PROSER1: variants seen among roughly 807,000 people sequenced by gnomAD.
The protein encoded by PROSER1 is proline and serine rich 1.
PROSER1 carries 36 observed loss-of-function variants against 71.8 expected under a neutral mutation model. The ratio of observed to expected loss-of-function variants is 0.50; its 90% confidence interval spans 0.38 to 0.66. The LOEUF is 0.66. PROSER1 is among the 30% of genes least tolerant of loss of function. The pLI is 0.00. For missense variants in PROSER1, 1,107 were observed against 1,135.0 expected, an observed-to-expected ratio of 0.98 and a Z score of 0.35; for synonymous variants, 490 against 452.4, an observed-to-expected ratio of 1.08 and a Z score of -1.06.
At chr13:39,029,253 A>C in intron 4 of PROSER1, 28 bp downstream of exon 4, 1 of 983,422 alleles carries the variant, frequency 1.0e-6, no homozygotes, top group Non-Finnish European at 1.4e-6. Flanking sequence ...CAAGTAAAAA[A>C]AAAAAAAAAA....
intron 11 of PROSER1, chr13:39,012,462 C>T: frequency 1.6e-6 from 1 of 641,282 alleles, no homozygotes; most frequent in Non-Finnish European, 2.7e-6. Context: ...ATCCTTTCTG[C>T]TGTCTTATAA....
chr13:39,032,991 G>C (rs972279008), intron 2 of PROSER1, among the ~76,000 whole-genome samples: 3 of 151,846 alleles, frequency 2.0e-5, no homozygotes, highest in Admixed American at 1.3e-4. Context: ...CGCGATCTTG[G>C]CTCACTGCAA....
intron 4 of PROSER1, 34 bp downstream of exon 4, chr13:39,029,247 T>TAAAAAAAA (rs34146778): frequency 4.4e-5 from 33 of 743,892 alleles, no homozygotes; most frequent in African/African-American, 2.6e-4. Context: ...TTTTCCCAAG[T>TAAAAAAAA]AAAAAAAAAA....
At chr13:39,016,445 T>C (rs1870011628) in intron 10 of PROSER1, among the ~76,000 whole-genome samples, 1 of 152,234 alleles carries the variant, frequency 6.6e-6, no homozygotes, top group African/African-American at 2.4e-5. Flanking sequence ...CTTTAACTGC[T>C]ATACTAGTTT....
Position 39,014,175 on chromosome 13 carries a change from A to G in PROSER1, c.1077T>C (p.Pro359=), listed in dbSNP as rs374330036. ...GTGACACTAGGCCAGAAAAAATGGA[A>G]GGAACAGGAGTGGTGGTTGTACTGT... ...SIHSTTTTPV[P]SIFSGLVSLP... Residue 359 remains proline (P), a synonymous_variant, in exon 11 of 13, where the codon CCT becomes CCC. Transcript: ENST00000352251. The G allele has an allele frequency of 1.1e-5, 18 of 1,614,054 alleles. No individual in the cohort carries two copies. Among genetic ancestry groups the G allele is most frequent in the Non-Finnish European group, 1.4e-5 (17 of 1,180,058 alleles).
At position 39,034,211 on chromosome 13, in the gene PROSER1, C is replaced by A. The variant is rs762961532; in HGVS notation, c.46-15G>T. The A allele has an allele frequency of 1.6e-4, 191 of 1,186,870 alleles. No homozygotes were observed. The highest frequency in any genetic ancestry group is 2.5e-4 in the South Asian group (16 of 65,184). 73.5% of individuals were successfully genotyped at this position (1,186,870 alleles called of 1,614,324 possible). A position where few individuals can be genotyped will look rare whatever the true frequency, so the allele number is the denominator to read the frequency against. On this transcript the variant is annotated splice_polypyrimidine_tract_variant and intron_variant, in intron 1 of 12. Coordinates refer to ENST00000352251, the MANE Select transcript of PROSER1 (RefSeq NM_025138.5). ...GTCAAAACAGCCTAAAAAAAAAAAA[C>A]ACACACACACAGAGTAAAACAGCAT...
At chr13:39,011,620 G>C (rs1869664658) in intron 12 of PROSER1, 133 bp from the exon 13 acceptor site, 1 of 829,296 alleles carries the variant, frequency 1.2e-6, no homozygotes, top group Non-Finnish European at 1.8e-6. Context: ...GCACAATAAA[G>C]TCTGCTCAGT....
chr13:39,034,039 TA>T, intron 2 of PROSER1, 91 bp downstream of exon 2: 3 of 892,468 alleles, frequency 3.4e-6, no homozygotes, highest in Non-Finnish European at 4.9e-6. Context: ...AGCAAAAAGG[TA>T]AAACCAATTC....
chr13:39,013,936 G>T lies in PROSER1; in HGVS notation c.1316C>A (p.Thr439Lys). 5 of 1,614,188 alleles carry T rather than the reference G, an allele frequency of 3.1e-6. No individual in the cohort carries two copies. The highest frequency in any genetic ancestry group is 4.2e-6 in the Non-Finnish European group (5 of 1,180,018). ...AGTCGGGTTGGATAGGCCTTGGGAT[G>T]TTGGTGGTAAGGGCAAAGGGAGCCC... ...FAGLPLPLPP[T>K]SQGLSNPTPV... The change falls in exon 11 of 13, where the codon ACA (threonine) becomes AAA (lysine). Residue 439 changes from threonine (T) to lysine (K), a missense_variant. Thr to Lys is a moderately conservative substitution (Grantham distance 78). Coordinates refer to ENST00000352251, the MANE Select transcript of PROSER1 (RefSeq NM_025138.5).
At chr13:39,023,213 C>T in intron 7 of PROSER1, 83 bp from the exon 8 acceptor site, 1 of 1,007,474 alleles carries the variant, frequency 9.9e-7, no homozygotes, top group Non-Finnish European at 1.6e-6. Flanking sequence ...AATATTTAGT[C>T]CTAATATGCT....
intron 9 of PROSER1, among the ~76,000 whole-genome samples, chr13:39,021,392 C>T (rs1870284225): frequency 6.6e-6 from 1 of 152,018 alleles, no homozygotes; most frequent in African/African-American, 2.4e-5. Context: ...TCCCCCAGCT[C>T]TCTTCAATCT....
At chr13:39,024,704 T>G (rs987587665) in intron 6 of PROSER1, 148 bp from the exon 7 acceptor site, 22 of 616,130 alleles carry the variant, frequency 3.6e-5, no homozygotes, top group South Asian at 6.6e-5. Flanking sequence ...CTGCACTGGC[T>G]GGCGGCATGA....
intron 1 of PROSER1, among the ~76,000 whole-genome samples, chr13:39,034,829 T>C (rs1852684459): frequency 1.3e-5 from 2 of 152,214 alleles, no homozygotes; most frequent in African/African-American, 4.8e-5. Flanking sequence ...ATGAAGACTA[T>C]AATAGTGGAC....
intron 2 of PROSER1, 67 bp downstream of exon 2, chr13:39,034,064 C>T: frequency 8.8e-7 from 1 of 1,137,864 alleles, no homozygotes; most frequent in Non-Finnish European, 1.2e-6. Context: ...ATTCGGCCAG[C>T]AGACAGACAT....
At chr13:39,016,391 C>T (rs533714132) in intron 10 of PROSER1, among the ~76,000 whole-genome samples, 2 of 152,284 alleles carry the variant, frequency 1.3e-5, no homozygotes, top group South Asian at 4.2e-4. Context: ...GCAGCTACTA[C>T]ATGGTGGAGC....
rs781582331 is a variant in PROSER1, at chr13:39,013,842, A to G, written c.1410T>C (p.Ser470=). ...GPLGVNSPLL[S]ALKGFLTSND... is the part of the protein sequence containing the mutation. ...TGGATGTCAGAAAACCTTTTAACGCAGACAAAAGAGGACTGTTCACACCAA... is the reference window on the plus strand; with the variant it reads ...TGGATGTCAGAAAACCTTTTAACGCGGACAAAAGAGGACTGTTCACACCAA... Residue 470 remains serine, a synonymous_variant, in exon 11 of 13, where the codon TCT becomes TCC. Coordinates refer to ENST00000352251, the MANE Select transcript of PROSER1 (RefSeq NM_025138.5). 1 of 1,614,216 alleles carries G rather than the reference A, an allele frequency of 6.2e-7. No individual in the cohort carries two copies. The highest frequency in any genetic ancestry group is 8.5e-7 in the Non-Finnish European group (1 of 1,180,032).
In PROSER1 at chr13:39,011,471, G is replaced by A. The variant is rs376723762; in HGVS notation, c.2729C>T (p.Ala910Val). 2.1e-4 allele frequency: 336 copies of A among 1,614,034 alleles called. 7 individuals carry two copies. The South Asian group carries it at 3.5e-3, about 17-fold the overall frequency. Residue 910 changes from alanine (A) to valine (V), a missense_variant, in exon 13 of 13, where the codon GCT becomes GTT. By Grantham distance (64) the Ala-to-Val change is moderately conservative. Transcript: ENST00000352251. ...AGGCTGAGCTGGATAGCTTTCCAGA[G>A]CCGAAGCTGAATGGACCTGATGGAA... ...ALLQQVHSAS[A>V]LESYPAQPDG...
At chr13:39,031,858 T>C (rs894954659) in intron 2 of PROSER1, 2 of 502,550 alleles carry the variant, frequency 4.0e-6, no homozygotes, top group Non-Finnish European at 3.5e-6. Flanking sequence ...TGACACAAGC[T>C]ACATTTCAAG....
chr13:39,011,909 G>A (rs1169232664), intron 12 of PROSER1, among the ~76,000 whole-genome samples, 174 bp downstream of exon 12: 1 of 152,194 alleles, frequency 6.6e-6, no homozygotes, highest in African/African-American at 2.4e-5. Context: ...CCTGAAAGAA[G>A]ACAAGCAAAA....
Sources: gnomAD v4.1 joint callset for allele counts (sites outside exome capture counted in the v4.1 genomes callset) on GRCh38, gnomAD v4.1.1 for gene constraint, MANE v1.5 for transcripts, NCBI Gene and HGNC (gene_info 2026-07-23, HGNC 2026-07-21) for gene names.